DPH6: variants seen among roughly 807,000 people sequenced by gnomAD.
DPH6 encodes diphthamine biosynthesis 6.
DPH6 carries 33 observed loss-of-function variants against 38.2 expected under a neutral mutation model. The observed-to-expected ratio is 0.86, with a 90% CI of 0.65 to 1.15. The LOEUF is 1.15. Among genes scored for constraint, DPH6 ranks in the 50% most tolerant of loss-of-function variants. The pLI is 0.00. For synonymous variants in DPH6, 108 were observed against 103.0 expected (o/e 1.05, Z -0.30); for missense variants, 325 against 320.0 (o/e 1.02, Z -0.12).
At chr15:35,340,222 T>C (rs539719827) in intron 3 of DPH6, among the ~76,000 whole-genome samples, 1 of 151,268 alleles carries the variant, frequency 6.6e-6, no homozygotes, top group Non-Finnish European at 1.5e-5. Flanking sequence ...TGGTTTTCCA[T>C]TTACTTGGTA....
intron 3 of DPH6, among the ~76,000 whole-genome samples, chr15:35,271,717 T>C (rs1393409147): frequency 6.6e-6 from 1 of 152,178 alleles, no homozygotes; most frequent in Non-Finnish European, 1.5e-5. Context: ...AATTGAAACA[T>C]GGAATCTCTG....
chr15:35,188,314 T>C, the DPH6 span, among the ~76,000 whole-genome samples: 3 of 151,972 alleles, frequency 2.0e-5, no homozygotes, highest in African/African-American at 7.3e-5. Context: ...AAGGGAAAAA[T>C]GCCTCAAGTG....
At position 35,497,506 on chromosome 15, in the gene DPH6, G is replaced by A. The variant is rs555175061; in HGVS notation, c.312+40768C>T. Reference sequence around the variant, plus strand: ...CTTGCCCTAAAAGGGTTAACCATAAGTTTTTAAAAATAGCCATATCCATAG... The same window carrying A: ...CTTGCCCTAAAAGGGTTAACCATAAATTTTTAAAAATAGCCATATCCATAG... On this transcript the variant is annotated intron_variant, in intron 3 of 8. Coordinates refer to ENST00000256538, the MANE Select transcript of DPH6 (RefSeq NM_080650.4). Among the ~76,000 whole-genome samples, 3 of 152,226 alleles carry A rather than the reference G, an allele frequency of 2.0e-5. No individual in the cohort carries two copies. In the East Asian group the frequency reaches 5.8e-4, roughly 29 times the overall value.
chr15:35,169,285 G>A, the DPH6 span, among the ~76,000 whole-genome samples: 1 of 152,076 alleles, frequency 6.6e-6, no homozygotes. Flanking sequence ...TGAATTATTT[G>A]TTTTATGAAG....
chr15:35,465,293 C>T (rs934849693), intron 3 of DPH6, among the ~76,000 whole-genome samples: 1 of 152,108 alleles, frequency 6.6e-6, no homozygotes, highest in Non-Finnish European at 1.5e-5. Context: ...ATCTGAAAGG[C>T]ATTCTAACAT....
the DPH6 span, among the ~76,000 whole-genome samples, chr15:35,160,391 C>A: frequency 1.2e-4 from 18 of 152,010 alleles, no homozygotes; most frequent in East Asian, 3.5e-3. Flanking sequence ...TTGTCAGGAT[C>A]CCCAGCATTC....
chr15:35,374,976 C>T (rs1317809978), intron 7 of DPH6, among the ~76,000 whole-genome samples: 1 of 152,062 alleles, frequency 6.6e-6, no homozygotes, highest in Non-Finnish European at 1.5e-5. Context: ...AACCTCAATT[C>T]CTATTATACA....
At chr15:35,349,514 G>A (rs896239388) in intron 3 of DPH6, among the ~76,000 whole-genome samples, 2 of 152,052 alleles carry the variant, frequency 1.3e-5, no homozygotes, top group African/African-American at 4.8e-5. Context: ...TCGGCTTACT[G>A]CAACCTCTGC....
rs370924301 is a variant in DPH6, at chr15:35,350,803, T to C, written n.208-19726A>G. 1.4e-4 allele frequency among the ~76,000 whole-genome samples: 22 copies of C among 152,316 alleles called. 4 individuals carry two copies. The highest frequency in any genetic ancestry group is 7.7e-4 in the East Asian group (4 of 5,192). The stretch of plus-strand genomic sequence containing the variant: ...CTGTGGTTAGAGAAGATAGATGGTA[T>C]GATTTCAATTTTCTTAAATTTGTTA... On this transcript the variant is annotated intron_variant and non_coding_transcript_variant, in intron 3 of 3. Transcript: ENST00000558973.
At chr15:35,395,192 T>C (rs1023640195) in intron 6 of DPH6, among the ~76,000 whole-genome samples, 1 of 152,202 alleles carries the variant, frequency 6.6e-6, no homozygotes, top group African/African-American at 2.4e-5. Flanking sequence ...AATTTGGTGC[T>C]AATTTCTTTT....
chr15:35,206,953 T>C, the DPH6 span, among the ~76,000 whole-genome samples: 1 of 147,498 alleles, frequency 6.8e-6, no homozygotes, highest in Non-Finnish European at 1.5e-5. Flanking sequence ...CATCATATCA[T>C]ATCACACTGC....
At chr15:35,198,064 C>T in the DPH6 span, among the ~76,000 whole-genome samples, 9 of 151,758 alleles carry the variant, frequency 5.9e-5, no homozygotes, top group Non-Finnish European at 1.5e-5. Context: ...TAATCTCAAG[C>T]CCTGCTGGCT....
At chr15:35,382,652 G>A (rs983722386) in intron 6 of DPH6, among the ~76,000 whole-genome samples, 5 of 152,038 alleles carry the variant, frequency 3.3e-5, no homozygotes, top group Non-Finnish European at 5.9e-5. Flanking sequence ...TACAGAAAAA[G>A]CAATATAAGG....
rs564050689 is a variant in DPH6 at position 35,478,861 on chromosome 15, G to A, written c.313-24041C>T. The stretch of plus-strand genomic sequence containing the variant: ...GCTGGCAACCCCTTAAACTTTAAGA[G>A]CATATTATGATTTTCAAAGCATTCT... On this transcript the variant is annotated intron_variant, in intron 3 of 8. Transcript: ENST00000256538. Among the ~76,000 whole-genome samples, 215 of 152,066 alleles carry A rather than the reference G, an allele frequency of 1.4e-3. 1 individual carries two copies. Among genetic ancestry groups the A allele is most frequent in the African/African-American group, 5.1e-3 (212 of 41,528 alleles).
chr15:35,334,607 C>T (rs2052353468), intron 3 of DPH6, among the ~76,000 whole-genome samples: 1 of 152,086 alleles, frequency 6.6e-6, no homozygotes, highest in South Asian at 2.1e-4. Context: ...ACCACGTGTC[C>T]ATGTGTTCTC....
the DPH6 span, among the ~76,000 whole-genome samples, chr15:35,171,474 A>G: frequency 2.0e-5 from 3 of 152,368 alleles, no homozygotes; most frequent in Middle Eastern, 3.4e-3. Context: ...TGAAACACAT[A>G]AAGTAGTTCA....
intron 3 of DPH6, among the ~76,000 whole-genome samples, chr15:35,500,156 G>C: frequency 6.6e-6 from 1 of 152,244 alleles, no homozygotes; most frequent in East Asian, 1.9e-4. Context: ...ATCAGTCCAT[G>C]CTACAATATA....
chr15:35,545,240 TCTAA>T (rs913905326), intron 1 of DPH6, among the ~76,000 whole-genome samples: 1 of 152,300 alleles, frequency 6.6e-6, no homozygotes, highest in East Asian at 1.9e-4. Flanking sequence ...ATTTAAGTAG[TCTAA>T]CTTTTTAATG....
chr15:35,328,079 C>T (rs1595481051), downstream of DPH6, among the ~76,000 whole-genome samples: 1 of 152,224 alleles, frequency 6.6e-6, no homozygotes, highest in Non-Finnish European at 1.5e-5. Context: ...ATCAAAACTT[C>T]CATGTACTTG....
Sources: gnomAD v4.1 joint callset for allele counts (sites outside exome capture counted in the v4.1 genomes callset) on GRCh38, gnomAD v4.1.1 for gene constraint, MANE v1.5 for transcripts, NCBI Gene and HGNC (gene_info 2026-07-23, HGNC 2026-07-21) for gene names.